CCSER1: variants seen among roughly 807,000 people sequenced by gnomAD.
CCSER1 encodes coiled-coil serine rich protein 1.
In CCSER1, 41 loss-of-function variants were observed where a neutral mutation model predicts 82.0. The observed-to-expected ratio is 0.50, with a 90% CI of 0.39 to 0.65. CCSER1 has a LOEUF of 0.65. Among genes scored for constraint, CCSER1 ranks in the 30% least tolerant of loss-of-function variants. The pLI is 0.00. For missense variants in CCSER1, 1,119 were observed against 1,064.2 expected (o/e 1.05, Z -0.72); for synonymous variants, 414 against 383.9 (o/e 1.08, Z -0.92).
At chr4:91,334,801 T>C (rs763851603) in intron 10 of CCSER1, among the ~76,000 whole-genome samples, 3 of 152,058 alleles carry the variant, frequency 2.0e-5, no homozygotes, top group Non-Finnish European at 1.5e-5. Context: ...TGTCTATCTG[T>C]GTTGGCCATT....
chr4:91,162,683 A>G (rs1731555016), intron 10 of CCSER1, among the ~76,000 whole-genome samples: 1 of 152,124 alleles, frequency 6.6e-6, no homozygotes, highest in Admixed American at 6.5e-5. Context: ...CCAGGAATCT[A>G]TCCATTTCTT....
At chr4:91,243,974 TCCAGGC>T (rs1255196645) in intron 10 of CCSER1, among the ~76,000 whole-genome samples, 1 of 152,148 alleles carries the variant, frequency 6.6e-6, no homozygotes, top group Non-Finnish European at 1.5e-5. Context: ...GGTCCCTAAG[TCCAGGC>T]CTAGGCTCTT....
chr4:90,228,261 C>T (rs555305902), intron 1 of CCSER1, among the ~76,000 whole-genome samples: 52 of 152,306 alleles, frequency 3.4e-4, no homozygotes, highest in African/African-American at 9.4e-4. Flanking sequence ...TCTCCCAGCA[C>T]GCAGCTGGAG....
At chr4:91,405,177 G>T (rs928772940) in intron 10 of CCSER1, among the ~76,000 whole-genome samples, 10 of 150,636 alleles carry the variant, frequency 6.6e-5, no homozygotes, top group African/African-American at 2.4e-4. Flanking sequence ...TTTGATCTTT[G>T]TTGGTTTAAT....
rs992522873 is a variant in CCSER1 at position 91,602,669 on chromosome 4, A to G, written c.*3612A>G. Among the ~76,000 whole-genome samples, 1 of 152,088 alleles carries G rather than the reference A, an allele frequency of 6.6e-6. No homozygotes were observed. The highest frequency in any genetic ancestry group is 1.5e-5 in the Non-Finnish European group (1 of 67,958). ...AGAACTTAACATTCTAAACAGCTAT[A>G]GAAGGAAGTGGTTCAAAATAACCCT... On this transcript the variant is annotated 3_prime_UTR_variant, in exon 11 of 11. Transcript: ENST00000509176.
chr4:90,839,785 C>A (rs1762329412), intron 8 of CCSER1, among the ~76,000 whole-genome samples: 1 of 152,132 alleles, frequency 6.6e-6, no homozygotes, highest in Non-Finnish European at 1.5e-5. Context: ...TTCTCCCATT[C>A]TTCTAAAAGG....
intron 8 of CCSER1, among the ~76,000 whole-genome samples, chr4:90,816,672 C>A (rs1759062991): frequency 6.6e-6 from 1 of 151,962 alleles, no homozygotes; most frequent in Admixed American, 6.6e-5. Context: ...ATAAGAGAGA[C>A]CCTGACTCAT....
chr4:90,577,905 T>A (rs1780940470), intron 5 of CCSER1, among the ~76,000 whole-genome samples: 2 of 152,158 alleles, frequency 1.3e-5, no homozygotes, highest in African/African-American at 4.8e-5. Context: ...TTAATGTTAT[T>A]ACTTTTAATA....
At chr4:91,037,405 G>T (rs1461601) in intron 9 of CCSER1, among the ~76,000 whole-genome samples, 2,335 of 152,172 alleles carry the variant, frequency 0.015, 72 homozygotes, top group African/African-American at 0.053. Flanking sequence ...CCTTTCCCCT[G>T]TCCTCCTTCT....
chr4:91,221,048 A>G (rs564799015), intron 10 of CCSER1, among the ~76,000 whole-genome samples: 322 of 152,270 alleles, frequency 2.1e-3, no homozygotes, highest in Non-Finnish European at 3.8e-3. Context: ...TACCTTTATG[A>G]TAATTTAGAA....
chr4:90,962,550 A>G (rs1395133216), intron 9 of CCSER1, among the ~76,000 whole-genome samples: 1 of 152,138 alleles, frequency 6.6e-6, no homozygotes, highest in Non-Finnish European at 1.5e-5. Context: ...GCTTCTCAGA[A>G]TGTGCTTCAG....
chr4:91,593,467 CTTTTTTTTTTTTT>C (rs753973015), intron 10 of CCSER1, among the ~76,000 whole-genome samples: 3 of 55,020 alleles, frequency 5.5e-5, no homozygotes, highest in Non-Finnish European at 9.9e-5. Flanking sequence ...CAACCCCGTG[CTTTTTTTTTTTTT>C]TTTTTTTTTT....
chr4:91,388,122 C>A (rs1751418646), intron 10 of CCSER1, among the ~76,000 whole-genome samples: 1 of 151,942 alleles, frequency 6.6e-6, no homozygotes, highest in South Asian at 2.1e-4. Context: ...CTCAAGTGAT[C>A]CACCTGCCTC....
intron 9 of CCSER1, among the ~76,000 whole-genome samples, chr4:90,991,716 AT>A (rs1215623510): frequency 6.6e-6 from 1 of 152,016 alleles, no homozygotes; most frequent in East Asian, 1.9e-4. Context: ...CATAGCTATG[AT>A]TAGGACTTAG....
chr4:91,187,158 C>T (rs903527555), intron 10 of CCSER1, among the ~76,000 whole-genome samples: 2 of 152,214 alleles, frequency 1.3e-5, no homozygotes, highest in Non-Finnish European at 2.9e-5. Context: ...GTGGGCTGCA[C>T]CCACTGTCTG....
rs59376887 is a variant in CCSER1, at chr4:90,478,731, C to CTTT, written c.1724+10393_1724+10395dup. ...AGAATAAATTGTACTTTCTTTCTTT[C>CTTT]TTTTTTTTTTTTTTTTTTATTTTTT... On this transcript the variant is annotated intron_variant, in intron 5 of 10. Coordinates refer to ENST00000509176, the MANE Select transcript of CCSER1 (RefSeq NM_001145065.2). Among the ~76,000 whole-genome samples, 187 of 133,214 alleles carry CTTT rather than the reference C, an allele frequency of 1.4e-3. 2 individuals are homozygous for CTTT. Among genetic ancestry groups the CTTT allele is most frequent in the African/African-American group, 4.3e-3 (158 of 36,774 alleles). The allele number at this position is 133,214 out of a possible 152,430, so 87.4% of individuals were successfully genotyped here.
At chr4:90,342,924 T>C (rs1346801921) in intron 3 of CCSER1, among the ~76,000 whole-genome samples, 1 of 151,980 alleles carries the variant, frequency 6.6e-6, no homozygotes, top group Non-Finnish European at 1.5e-5. Context: ...ATTGCTCTTT[T>C]CTTATCAGTT....
chr4:91,351,646 G>T (rs929075169), intron 10 of CCSER1, among the ~76,000 whole-genome samples: 1 of 151,900 alleles, frequency 6.6e-6, no homozygotes, highest in East Asian at 1.9e-4. Context: ...TTGCCCTGTG[G>T]ATCATTTTAG....
chr4:91,068,740 T>C (rs1054539540), intron 9 of CCSER1, among the ~76,000 whole-genome samples: 1 of 152,200 alleles, frequency 6.6e-6, no homozygotes, highest in Non-Finnish European at 1.5e-5. Context: ...GGGGTACTCT[T>C]AAAAGAATTG....
Sources: allele counts gnomAD v4.1 joint callset (sites outside exome capture counted in the v4.1 genomes callset), GRCh38; gene constraint gnomAD v4.1.1; transcripts MANE v1.5; gene names NCBI Gene and HGNC (gene_info 2026-07-23, HGNC 2026-07-21).